Variants in PIK3C3 observed in about 807,000 individuals in gnomAD.
PIK3C3 encodes the protein phosphatidylinositol 3-kinase catalytic subunit type 3.
A neutral mutation model predicts 126.1 loss-of-function variants in PIK3C3; 95 were observed. The ratio of observed to expected loss-of-function variants is 0.75; its 90% confidence interval spans 0.64 to 0.89. PIK3C3 has a LOEUF of 0.89. Among genes scored for constraint, PIK3C3 ranks in the 40% least tolerant of loss-of-function variants. PIK3C3 has a pLI of 0.00. For missense variants in PIK3C3, 829 were observed against 1,063.2 expected, an observed-to-expected ratio of 0.78 and a Z score of 3.06; for synonymous variants, 374 against 360.0, an observed-to-expected ratio of 1.04 and a Z score of -0.44.
intron 1 of PIK3C3, among the ~76,000 whole-genome samples, chr18:41,956,053 C>CA (rs1178902778): frequency 2.0e-5 from 3 of 152,164 alleles, no homozygotes; most frequent in Non-Finnish European, 2.9e-5. Context: ...ATGCACAAGA[C>CA]AGAGTTGGAA....
chr18:42,075,453 TAAC>T lies in PIK3C3; in HGVS notation c.2650-5662_2650-5660del, dbSNP rs1288630758. Among the ~76,000 whole-genome samples, 9 of 152,098 alleles carry T rather than the reference TAAC, an allele frequency of 5.9e-5. No homozygotes were observed. The East Asian group carries it at 9.6e-4, about 16-fold the overall frequency. On this transcript the variant is annotated intron_variant, in intron 24 of 24. Coordinates refer to ENST00000262039, the MANE Select transcript of PIK3C3 (RefSeq NM_002647.4). ...TTATTTGAATTTTTCTTGGCAGAAA[TAAC>T]AACAACAGGAAAAATCATTAATAGC...
chr18:42,051,764 T>C (rs1298787112), intron 21 of PIK3C3, among the ~76,000 whole-genome samples: 2 of 152,066 alleles, frequency 1.3e-5, no homozygotes, highest in Admixed American at 1.3e-4. Flanking sequence ...CTCTTTTTTA[T>C]TGGTTGAATC....
chr18:42,024,623 C>T (rs974762791), intron 13 of PIK3C3, among the ~76,000 whole-genome samples: 12 of 149,916 alleles, frequency 8.0e-5, no homozygotes, highest in African/African-American at 9.8e-5. Flanking sequence ...TTAGTAGAGG[C>T]GAGGTTTCTC....
intron 4 of PIK3C3, among the ~76,000 whole-genome samples, chr18:41,972,467 T>C (rs968682629): frequency 6.6e-6 from 1 of 152,112 alleles, no homozygotes; most frequent in Non-Finnish European, 1.5e-5. Flanking sequence ...TTTTTATTGG[T>C]TTGTAAATCT....
intron 10 of PIK3C3, among the ~76,000 whole-genome samples, chr18:42,006,794 T>C (rs1207501622): frequency 1.3e-5 from 2 of 152,180 alleles, no homozygotes; most frequent in African/African-American, 4.8e-5. Flanking sequence ...ATTCTTTTCC[T>C]GTAACTGTAT....
chr18:42,019,997 A>T (rs1375642610), intron 12 of PIK3C3, among the ~76,000 whole-genome samples: 1 of 151,372 alleles, frequency 6.6e-6, no homozygotes, highest in Non-Finnish European at 1.5e-5. Flanking sequence ...CACCATCTCC[A>T]CTCTCATTAT....
chr18:42,029,528 ACG>A (rs1983729054), intron 15 of PIK3C3, 87 bp downstream of exon 15: 2 of 514,970 alleles, frequency 3.9e-6, no homozygotes, highest in East Asian at 7.3e-5. Flanking sequence ...TTGGGTTGAT[ACG>A]TGAATTTTTT....
intron 16 of PIK3C3, among the ~76,000 whole-genome samples, chr18:42,037,227 T>A (rs1225042191): frequency 6.6e-6 from 1 of 152,200 alleles, no homozygotes; most frequent in Non-Finnish European, 1.5e-5. Flanking sequence ...TATGTTGTAC[T>A]GTTTCACCTT....
chr18:42,057,150 A>G (rs140478623), intron 21 of PIK3C3, among the ~76,000 whole-genome samples: 1,581 of 150,930 alleles, frequency 0.01, 34 homozygotes, highest in African/African-American at 0.036. Context: ...TACAATGAAA[A>G]CAGATTTATA....
intron 21 of PIK3C3, chr18:42,050,879 A>G (rs1010152283): frequency 3.3e-5 from 5 of 152,168 alleles, no homozygotes; most frequent in Admixed American, 1.3e-4. Flanking sequence ...TTATTTATTC[A>G]GATCTTTGCA....
intron 10 of PIK3C3, among the ~76,000 whole-genome samples, chr18:42,011,337 C>G (rs771036559): frequency 3.7e-4 from 57 of 152,218 alleles, no homozygotes; most frequent in South Asian, 2.1e-4. Flanking sequence ...TAGTCACCTG[C>G]ATCAATAACT....
chr18:42,067,123 G>A (rs1171356114), intron 23 of PIK3C3, among the ~76,000 whole-genome samples: 1 of 151,800 alleles, frequency 6.6e-6, no homozygotes, highest in Non-Finnish European at 1.5e-5. Flanking sequence ...TGAGATGTAG[G>A]GCCCTAAGAA....
chr18:42,017,207 A>C (rs915010493), intron 12 of PIK3C3, among the ~76,000 whole-genome samples: 1 of 152,108 alleles, frequency 6.6e-6, no homozygotes, highest in South Asian at 2.1e-4. Context: ...AATCAAGCTG[A>C]ATTACCTCTC....
At chr18:42,021,539 A>G (rs1983321159) in intron 13 of PIK3C3, among the ~76,000 whole-genome samples, 2 of 152,244 alleles carry the variant, frequency 1.3e-5, no homozygotes. Flanking sequence ...AGACCTGCCT[A>G]CAGCCTTCTT....
intron 9 of PIK3C3, among the ~76,000 whole-genome samples, chr18:42,001,872 A>G (rs1314673847): frequency 2.0e-5 from 3 of 152,208 alleles, no homozygotes; most frequent in Non-Finnish European, 4.4e-5. Context: ...TTTAAGAAGT[A>G]TTGCTTTGTT....
At chr18:41,957,341 T>C (rs891165986) in intron 1 of PIK3C3, among the ~76,000 whole-genome samples, 8 of 152,146 alleles carry the variant, frequency 5.3e-5, no homozygotes, top group African/African-American at 1.4e-4. Flanking sequence ...GGGACTGATA[T>C]TAGGTATGTT....
chr18:41,992,981 A>G (rs1981851994), intron 6 of PIK3C3, among the ~76,000 whole-genome samples: 1 of 152,154 alleles, frequency 6.6e-6, no homozygotes, highest in South Asian at 2.1e-4. Flanking sequence ...ATATGAACGA[A>G]GTTTAAAAAA....
At chr18:42,060,211 C>T (rs939469557) in intron 22 of PIK3C3, among the ~76,000 whole-genome samples, 9 of 152,082 alleles carry the variant, frequency 5.9e-5, no homozygotes, top group African/African-American at 1.7e-4. Flanking sequence ...TAGATATGAT[C>T]GGCCCTGTTA....
At chr18:42,035,661 T>A (rs921107130) in intron 16 of PIK3C3, among the ~76,000 whole-genome samples, 1 of 151,514 alleles carries the variant, frequency 6.6e-6, no homozygotes, top group Non-Finnish European at 1.5e-5. Context: ...GTGTAGGGAG[T>A]TGCTACTTTG....
Sources: gnomAD v4.1 joint callset for allele counts (sites outside exome capture counted in the v4.1 genomes callset) on GRCh38, gnomAD v4.1.1 for gene constraint, MANE v1.5 for transcripts, NCBI Gene and HGNC (gene_info 2026-07-23, HGNC 2026-07-21) for gene names.